HPS5: variants seen among roughly 807,000 people sequenced by gnomAD.
HPS5 encodes HPS5 biogenesis of lysosomal organelles complex 2 subunit 2, also known as BLOC-2 complex member HPS5.
A neutral mutation model predicts 128.0 loss-of-function variants in HPS5; 83 were observed. That is an observed-to-expected ratio of 0.65 (90% CI 0.54 to 0.78). The LOEUF is 0.78. HPS5 is among the 30% of genes least tolerant of loss of function. The pLI, the probability that HPS5 is intolerant of heterozygous loss-of-function variation, is 0.00. For synonymous variants in HPS5, 475 were observed against 470.2 expected, an observed-to-expected ratio of 1.01 and a Z score of -0.13; for missense variants, 1,281 against 1,326.2, an observed-to-expected ratio of 0.97 and a Z score of 0.53.
At chr11:18,288,756 G>GTGTA (rs1282275658) in intron 16 of HPS5, among the ~76,000 whole-genome samples, 1 of 151,732 alleles carries the variant, frequency 6.6e-6, no homozygotes, top group East Asian at 1.9e-4. Flanking sequence ...GTGTGTGTGT[G>GTGTA]TGCAGCGACG....
rs752195294 is a variant in HPS5 at position 18,291,605 on chromosome 11, T to C, written c.2277A>G (p.Gly759=). The C allele has an allele frequency of 1.9e-6, 3 of 1,614,108 alleles. No homozygotes were observed. Among genetic ancestry groups the C allele is most frequent in the Non-Finnish European group, 2.5e-6 (3 of 1,179,944 alleles). The change falls in exon 16 of 23, where the codon GGA becomes GGG. Residue 759 remains glycine (G), a synonymous_variant. Transcript: ENST00000349215. ...VLNSKIKSTS[G]HVDHTLQQYS... ...ACTGTTGCAAAGTGTGGTCCACATG[T>C]CCACTGGTGCTTTTGATCTTAGAAT... is the stretch of plus-strand genomic sequence containing the variant.
At position 18,317,549 on chromosome 11, in the gene HPS5, C is replaced by T. The variant is rs563879844; in HGVS notation, c.108+202G>A. On this transcript the variant is annotated intron_variant, in intron 2 of 22. Coordinates refer to ENST00000349215, the MANE Select transcript of HPS5 (RefSeq NM_181507.2). ...GGAATTACAGGTGTGAGCCACCACG[C>T]CCAGCCTGGGCCTGATAATTTAAAG... 1.2e-4 allele frequency among the ~76,000 whole-genome samples: 19 copies of T among 152,142 alleles called. No individual in the cohort carries two copies. The East Asian group carries it at 2.9e-3, about 23-fold the overall frequency.
intron 16 of HPS5, among the ~76,000 whole-genome samples, chr11:18,290,180 A>G (rs574262358): frequency 3.3e-5 from 5 of 152,332 alleles, no homozygotes; most frequent in Admixed American, 2.0e-4. Context: ...GGGAAGATGG[A>G]GCTGAAAATA....
At chr11:18,320,903 A>G (rs767371133) in intron 1 of HPS5, among the ~76,000 whole-genome samples, 1 of 152,198 alleles carries the variant, frequency 6.6e-6, no homozygotes, top group East Asian at 1.9e-4. Flanking sequence ...GTCAACTAAA[A>G]CCCAAAGAAA....
chr11:18,308,605 A>G (rs1862622810), intron 6 of HPS5, among the ~76,000 whole-genome samples: 1 of 152,198 alleles, frequency 6.6e-6, no homozygotes. Flanking sequence ...GCTTGAGCCC[A>G]GGAGTTCAAG....
At chr11:18,280,616 G>A in intron 22 of HPS5, 1 of 694,728 alleles carries the variant, frequency 1.4e-6, no homozygotes, top group Non-Finnish European at 2.6e-6. Flanking sequence ...ATTCACAATA[G>A]CCAGAAAGTG....
rs1228518342 is a variant in HPS5, at chr11:18,295,157, A to G, written c.1647T>C (p.Phe549=). 1 of 1,614,172 alleles carries G rather than the reference A, an allele frequency of 6.2e-7. No homozygotes were observed. The highest frequency in any genetic ancestry group is 8.5e-7 in the Non-Finnish European group (1 of 1,180,016). ...LQAVKESVSS[F]VRKTTEKIGT... ...CAATCTTCTCAGTAGTTTTACGCAC[A>G]AAGCTAGAAACACTAGAAGTCAAAT... The change falls in exon 14 of 23, where the codon TTT becomes TTC. Residue 549 remains phenylalanine (F), a synonymous_variant. Coordinates refer to ENST00000349215, the MANE Select transcript of HPS5 (RefSeq NM_181507.2).
At chr11:18,320,822 T>C (rs921327717) in intron 1 of HPS5, among the ~76,000 whole-genome samples, 1 of 152,206 alleles carries the variant, frequency 6.6e-6, no homozygotes, top group Non-Finnish European at 1.5e-5. Flanking sequence ...TAAGTTTCTA[T>C]ATTACAACCT....
At chr11:18,311,048 A>C in intron 4 of HPS5, 115 bp from the exon 5 acceptor site, 1 of 795,224 alleles carries the variant, frequency 1.3e-6, no homozygotes, top group Admixed American at 2.1e-5. Flanking sequence ...TTCAGAAAAG[A>C]GGAAGTATTA....
intron 2 of HPS5, among the ~76,000 whole-genome samples, chr11:18,313,613 T>C (rs1863251877): frequency 6.6e-6 from 1 of 152,088 alleles, no homozygotes; most frequent in Non-Finnish European, 1.5e-5. Flanking sequence ...AATTTAAACA[T>C]TTTTATTTTT....
Position 18,294,882 on chromosome 11 carries a change from G to A in HPS5, c.1784+138C>T, listed in dbSNP as rs73430866. 95,571 of 797,730 alleles carry A rather than the reference G, an allele frequency of 0.12. 6,441 individuals carry two copies. The highest frequency in any genetic ancestry group is 0.19 in the African/African-American group (10,856 of 57,570). 49.4% of individuals were successfully genotyped at this position (797,730 alleles called of 1,614,324 possible). A position where few individuals can be genotyped will look rare whatever the true frequency, so the allele number is the denominator to read the frequency against. ...ATGTTTTCAGAAACTTTACAAATTT[G>A]TGTTGGGCCACGTTCAAAGCCGTCC... On this transcript the variant is annotated intron_variant, in intron 14 of 22. Transcript: ENST00000349215.
chr11:18,301,454 CAAAAAAAA>C (rs899074500), intron 8 of HPS5, among the ~76,000 whole-genome samples: 1 of 52,098 alleles, frequency 1.9e-5, no homozygotes, highest in Non-Finnish European at 4.0e-5. Context: ...GACTCTGTCT[CAAAAAAAA>C]AAAAAAAAAA....
At chr11:18,293,820 C>G (rs1860734717) in intron 14 of HPS5, among the ~76,000 whole-genome samples, 1 of 152,132 alleles carries the variant, frequency 6.6e-6, no homozygotes, top group African/African-American at 2.4e-5. Flanking sequence ...AGTGTACACA[C>G]TTAGTTCTCC....
At chr11:18,294,978 G>A in intron 14 of HPS5, 42 bp downstream of exon 14, 1 of 1,610,322 alleles carries the variant, frequency 6.2e-7, no homozygotes, top group South Asian at 1.1e-5. Context: ...ACTGACAGCT[G>A]GATTCCCTAG....
intron 2 of HPS5, among the ~76,000 whole-genome samples, chr11:18,313,076 T>C (rs1863190455): frequency 6.6e-6 from 1 of 152,224 alleles, no homozygotes; most frequent in African/African-American, 2.4e-5. Context: ...GTAGCAAAAG[T>C]ATAAAAATGA....
Position 18,291,962 on chromosome 11 carries a change from T to C in HPS5, c.1920A>G (p.Leu640=), listed in dbSNP as rs753271691. 1 of 1,613,566 alleles carries C rather than the reference T, an allele frequency of 6.2e-7. No homozygotes were observed. Among genetic ancestry groups the C allele is most frequent in the South Asian group, 1.1e-5 (1 of 90,988 alleles). ...LFESESLRMV[L]QEWLSHLEKT... is the part of the protein sequence containing the mutation. ...TTTCTAAATGTGAAAGCCACTCCTG[T>C]AAAACCATTCTCAGAGACTCGGATT... Residue 640 remains leucine, a synonymous_variant, in exon 16 of 23, where the codon TTA becomes TTG. Coordinates refer to ENST00000349215, the MANE Select transcript of HPS5 (RefSeq NM_181507.2).
At chr11:18,316,006 C>T (rs1402151120) in intron 2 of HPS5, among the ~76,000 whole-genome samples, 1 of 152,172 alleles carries the variant, frequency 6.6e-6, no homozygotes, top group East Asian at 1.9e-4. Flanking sequence ...CCTGTTATCC[C>T]AGTGCTTTAG....
chr11:18,297,636 G>A lies in HPS5; in HGVS notation c.1246C>T (p.Gln416Ter), dbSNP rs1375704360. Residue 416 changes from glutamine (Q) to a stop codon, truncating the protein, a stop_gained, in exon 11 of 23, where the codon CAA (glutamine) becomes TAA (stop). Coordinates refer to ENST00000349215, the MANE Select transcript of HPS5 (RefSeq NM_181507.2). LOFTEE classifies it high-confidence loss of function. Reference protein sequence around the residue: ...DHGTYNDLISQLEELILKFEP... With the variant: ...DHGTYNDLIS ...AATTTTAAGATCAATTCTTCCAGTTGAGAAATTAGATCATTGTAGGTGCCA... is the reference window on the plus strand; with the variant it reads ...AATTTTAAGATCAATTCTTCCAGTTAAGAAATTAGATCATTGTAGGTGCCA... 6.2e-7 allele frequency: 1 copy of A among 1,613,632 alleles called. No homozygotes were observed. The highest frequency in any genetic ancestry group is 1.3e-5 in the African/African-American group (1 of 74,922).
At chr11:18,308,887 T>TAAGTTCC (rs1862654310) in intron 6 of HPS5, 59 bp downstream of exon 6, 1 of 1,567,996 alleles carries the variant, frequency 6.4e-7, no homozygotes, top group African/African-American at 1.4e-5. Context: ...AGATAACTTC[T>TAAGTTCC]AAGTTCCTCC....
Sources: gnomAD v4.1 joint callset for allele counts (sites outside exome capture counted in the v4.1 genomes callset) on GRCh38, gnomAD v4.1.1 for gene constraint, MANE v1.5 for transcripts, NCBI Gene and HGNC (gene_info 2026-07-23, HGNC 2026-07-21) for gene names.